Variants in DPP10 observed in about 807,000 individuals in gnomAD.
DPP10 encodes the protein inactive dipeptidyl peptidase 10.
In DPP10, 33 loss-of-function variants were observed where a neutral mutation model predicts 120.9. The observed-to-expected ratio is 0.27, with a 90% CI of 0.21 to 0.37. DPP10 has a LOEUF of 0.37. DPP10 is among the 10% of genes least tolerant of loss of function. DPP10 has a pLI of 1.00. For synonymous variants in DPP10, 337 were observed against 326.1 expected, an observed-to-expected ratio of 1.03 and a Z score of -0.36; for missense variants, 816 against 942.8, an observed-to-expected ratio of 0.87 and a Z score of 1.76.
chr2:115,113,390 A>G (rs2049331482), intron 1 of DPP10, among the ~76,000 whole-genome samples: 1 of 148,964 alleles, frequency 6.7e-6, no homozygotes, highest in Admixed American at 6.8e-5. Flanking sequence ...TTAAATTCTC[A>G]TTATTTTAAA....
chr2:114,926,913 C>T lies in DPP10; in HGVS notation c.61-382326C>T, dbSNP rs530833911. On this transcript the variant is annotated intron_variant, in intron 1 of 25. Transcript: ENST00000410059. ...TCCCCCAGGCTGGAGAGCAGTGGTG[C>T]GATCTCGGCTCTCTGCAAGCTCTGC... Among the ~76,000 whole-genome samples, 41 of 145,522 alleles carry T rather than the reference C, an allele frequency of 2.8e-4. 1 individual carries two copies. The South Asian group carries it at 5.2e-3, about 19-fold the overall frequency.
At chr2:115,360,739 G>A (rs2106349719) in intron 3 of DPP10, among the ~76,000 whole-genome samples, 1 of 152,316 alleles carries the variant, frequency 6.6e-6, no homozygotes. Context: ...CTGAGCCAAA[G>A]GTTAGGTTGG....
At chr2:114,996,321 T>C (rs1460990132) in intron 1 of DPP10, among the ~76,000 whole-genome samples, 1 of 152,246 alleles carries the variant, frequency 6.6e-6, no homozygotes, top group Non-Finnish European at 1.5e-5. Flanking sequence ...TACTATAGAC[T>C]GTAGCATATA....
At chr2:115,175,345 C>G (rs2053617683) in intron 1 of DPP10, among the ~76,000 whole-genome samples, 2 of 151,822 alleles carry the variant, frequency 1.3e-5, no homozygotes, top group African/African-American at 2.4e-5. Context: ...TTGGTATGCT[C>G]TGTCTTGAGA....
chr2:115,820,853 A>T (rs1687749153), intron 21 of DPP10, among the ~76,000 whole-genome samples: 1 of 145,968 alleles, frequency 6.9e-6, no homozygotes, highest in African/African-American at 2.5e-5. Context: ...CAATTTCTTT[A>T]TCCACTTGTT....
At chr2:114,929,164 A>G (rs1029038975) in intron 1 of DPP10, among the ~76,000 whole-genome samples, 1 of 152,156 alleles carries the variant, frequency 6.6e-6, no homozygotes, top group Admixed American at 6.6e-5. Context: ...GTAAGTCACA[A>G]AGATCCCATG....
chr2:115,328,974 G>C (rs1484966977), intron 2 of DPP10, among the ~76,000 whole-genome samples: 1 of 152,104 alleles, frequency 6.6e-6, no homozygotes, highest in African/African-American at 2.4e-5. Flanking sequence ...TTTGAGAACA[G>C]AGAAGCAGAG....
chr2:115,814,550 C>A, intron 19 of DPP10: 1 of 301,070 alleles, frequency 3.3e-6, no homozygotes, highest in Non-Finnish European at 6.1e-6. Context: ...CTAATTTCTA[C>A]TGCAATGTTA....
chr2:115,505,661 T>G (rs1307707910), intron 4 of DPP10, among the ~76,000 whole-genome samples: 1 of 152,182 alleles, frequency 6.6e-6, no homozygotes, highest in Non-Finnish European at 1.5e-5. Flanking sequence ...CTGAATAATT[T>G]TATATATTGC....
chr2:115,108,994 A>G (rs1313802423), intron 1 of DPP10, among the ~76,000 whole-genome samples: 1 of 151,984 alleles, frequency 6.6e-6, no homozygotes, highest in African/African-American at 2.4e-5. Context: ...ATAGCTATGT[A>G]GAAAAATCCT....
intron 4 of DPP10, among the ~76,000 whole-genome samples, 170 bp downstream of exon 4, chr2:115,499,774 G>A (rs2076589656): frequency 6.6e-6 from 1 of 151,962 alleles, no homozygotes; most frequent in African/African-American, 2.4e-5. Flanking sequence ...AAAATACCCT[G>A]TGACTATCTG....
At chr2:114,660,605 T>C (rs1472462638) in intron 1 of DPP10, among the ~76,000 whole-genome samples, 1 of 152,198 alleles carries the variant, frequency 6.6e-6, no homozygotes, top group African/African-American at 2.4e-5. Context: ...AAAGTGACCT[T>C]GCACTGCTGA....
intron 3 of DPP10, among the ~76,000 whole-genome samples, chr2:115,394,161 G>A (rs138173717): frequency 6.6e-6 from 1 of 152,170 alleles, no homozygotes; most frequent in African/African-American, 2.4e-5. Context: ...TTTTAAGTGA[G>A]ACTGATGTAA....
chr2:115,057,460 A>G (rs1174219726), intron 1 of DPP10, among the ~76,000 whole-genome samples: 3 of 152,140 alleles, frequency 2.0e-5, no homozygotes, highest in Admixed American at 1.3e-4. Flanking sequence ...CAGCAGCCCT[A>G]TGAAAGTAGG....
At chr2:115,088,201 C>T (rs1189822169) in intron 1 of DPP10, among the ~76,000 whole-genome samples, 2 of 152,130 alleles carry the variant, frequency 1.3e-5, no homozygotes, top group African/African-American at 4.8e-5. Flanking sequence ...AAGGCCTTGC[C>T]TCCTAACACC....
chr2:114,461,813 C>T, intron 1 of DPP10: 2 of 985,274 alleles, frequency 2.0e-6, no homozygotes, highest in Non-Finnish European at 2.4e-6. Flanking sequence ...GTACCTGGTA[C>T]ATACCAAATA....
chr2:114,937,403 C>T (rs11674606), intron 1 of DPP10, among the ~76,000 whole-genome samples: 34,556 of 151,948 alleles, frequency 0.23, 4,200 homozygotes, highest in Middle Eastern at 0.38. Context: ...TGTAAGTATT[C>T]GGCTTTATTT....
In DPP10 at chr2:114,500,875, A is replaced by G. The variant is rs572352259; in HGVS notation, c.60+58037A>G. 1.8e-4 allele frequency among the ~76,000 whole-genome samples: 28 copies of G among 152,310 alleles called. 1 individual carries two copies. Among genetic ancestry groups the G allele is most frequent in the Middle Eastern group, 3.4e-3 (1 of 294 alleles). The stretch of plus-strand genomic sequence containing the variant: ...GTCCGTCTGGTGCGTGGGGTTCTCC[A>G]TGGGAGACTGTCAACAGCTAAGGGC... On this transcript the variant is annotated intron_variant, in intron 1 of 25. Coordinates refer to ENST00000410059, the MANE Select transcript of DPP10 (RefSeq NM_020868.6).
chr2:114,643,143 C>G (rs981280589), intron 1 of DPP10, among the ~76,000 whole-genome samples: 6 of 151,826 alleles, frequency 4.0e-5, no homozygotes, highest in Non-Finnish European at 8.8e-5. Context: ...TGAACTTGGG[C>G]AGAGAGAATT....
Sources: allele counts gnomAD v4.1 joint callset (sites outside exome capture counted in the v4.1 genomes callset), GRCh38; gene constraint gnomAD v4.1.1; transcripts MANE v1.5; gene names NCBI Gene and HGNC (gene_info 2026-07-23, HGNC 2026-07-21).